The following CCDC148 variants were observed in gnomAD, a reference collection of about 807,000 sequenced individuals.
The protein encoded by CCDC148 is coiled-coil domain-containing protein 148.
CCDC148 carries 89 observed loss-of-function variants against 85.7 expected under a neutral mutation model. The observed-to-expected ratio is 1.04, with a 90% CI of 0.87 to 1.24. CCDC148 has a LOEUF of 1.24. CCDC148 is among the 50% of genes most tolerant of loss of function. CCDC148 has a pLI of 0.00. For missense variants in CCDC148, 692 were observed against 671.7 expected (o/e 1.03, Z -0.33); for synonymous variants, 230 against 213.9 (o/e 1.08, Z -0.66).
intron 1 of CCDC148, among the ~76,000 whole-genome samples, chr2:158,437,381 T>C (rs1389330138): frequency 1.3e-5 from 2 of 152,178 alleles, no homozygotes; most frequent in Admixed American, 6.5e-5. Context: ...AAAAACCACA[T>C]GATTATCTCA....
At chr2:158,188,013 C>A (rs16842719) in intron 11 of CCDC148, among the ~76,000 whole-genome samples, 6 of 151,978 alleles carry the variant, frequency 3.9e-5, no homozygotes, top group Admixed American at 2.6e-4. Context: ...AGTTAGGAAC[C>A]AACCTGATGA....
At chr2:158,196,660 T>C (rs1338747008) in intron 11 of CCDC148, among the ~76,000 whole-genome samples, 1 of 152,184 alleles carries the variant, frequency 6.6e-6, no homozygotes, top group Non-Finnish European at 1.5e-5. Context: ...ATCAAATAAC[T>C]TACCTGAATA....
intron 9 of CCDC148, among the ~76,000 whole-genome samples, chr2:158,259,024 C>A (rs2105149782): frequency 6.6e-6 from 1 of 151,920 alleles, no homozygotes; most frequent in East Asian, 1.9e-4. Flanking sequence ...TCCAGATGCA[C>A]CTTACAGATA....
intron 9 of CCDC148, among the ~76,000 whole-genome samples, chr2:158,253,877 T>G (rs1688905430): frequency 6.6e-6 from 1 of 151,566 alleles, no homozygotes; most frequent in Admixed American, 6.6e-5. Context: ...AAGCAGACAT[T>G]GCTCCTTCTG....
At chr2:158,217,370 G>GTA (rs1453254522) in intron 11 of CCDC148, among the ~76,000 whole-genome samples, 70 of 75,514 alleles carry the variant, frequency 9.3e-4, no homozygotes, top group African/African-American at 2.7e-3. Flanking sequence ...TTTTGTGTGT[G>GTA]TGTGTATATA....
chr2:158,353,668 G>T (rs192208709), intron 2 of CCDC148, among the ~76,000 whole-genome samples: 4 of 152,038 alleles, frequency 2.6e-5, no homozygotes, highest in Admixed American at 6.6e-5. Flanking sequence ...GACAGATCAA[G>T]GAGACAGAAA....
intron 9 of CCDC148, among the ~76,000 whole-genome samples, chr2:158,252,017 T>A (rs1316147226): frequency 4.0e-5 from 6 of 151,794 alleles, no homozygotes; most frequent in African/African-American, 1.4e-4. Context: ...CAAATACTTA[T>A]CTGATCCATG....
At chr2:158,227,879 TTC>T (rs1687635205) in intron 10 of CCDC148, among the ~76,000 whole-genome samples, 1 of 152,102 alleles carries the variant, frequency 6.6e-6, no homozygotes, top group Non-Finnish European at 1.5e-5. Context: ...GGCAATACCA[TTC>T]AGGACATAGG....
At chr2:158,268,400 C>T (rs1236978978) in intron 9 of CCDC148, among the ~76,000 whole-genome samples, 2 of 152,124 alleles carry the variant, frequency 1.3e-5, no homozygotes, top group African/African-American at 4.8e-5. Flanking sequence ...ATAAATCAAA[C>T]ATCTGTGTAC....
chr2:158,391,820 A>G (rs562275083), intron 1 of CCDC148, among the ~76,000 whole-genome samples: 2 of 152,276 alleles, frequency 1.3e-5, no homozygotes, highest in East Asian at 3.9e-4. Flanking sequence ...CATAAGCAAA[A>G]TCACTCAGTA....
intron 1 of CCDC148, among the ~76,000 whole-genome samples, chr2:158,383,695 G>C (rs1379846297): frequency 6.6e-6 from 1 of 152,150 alleles, no homozygotes; most frequent in Non-Finnish European, 1.5e-5. Flanking sequence ...GAGGAAAACT[G>C]TTGCCCTGAT....
chr2:158,320,825 A>C (rs1014759883), intron 7 of CCDC148, among the ~76,000 whole-genome samples: 1 of 152,176 alleles, frequency 6.6e-6, no homozygotes, highest in Non-Finnish European at 1.5e-5. Context: ...TGAAGTATTG[A>C]AAATGTAGCC....
chr2:158,282,468 T>C (rs183736036), intron 9 of CCDC148, among the ~76,000 whole-genome samples: 3 of 152,144 alleles, frequency 2.0e-5, no homozygotes, highest in Admixed American at 6.5e-5. Context: ...ATCACAAGCA[T>C]TCCCATACAC....
chr2:158,440,523 A>G (rs80106062), intron 1 of CCDC148, among the ~76,000 whole-genome samples: 11,371 of 152,190 alleles, frequency 0.075, 568 homozygotes, highest in Middle Eastern at 0.11. Context: ...GATACCTGAA[A>G]CCTCGAATAG....
At chr2:158,197,738 C>T (rs115909717) in intron 11 of CCDC148, among the ~76,000 whole-genome samples, 82 of 152,142 alleles carry the variant, frequency 5.4e-4, no homozygotes, top group African/African-American at 1.9e-3. Flanking sequence ...AATTACTTCC[C>T]TATTTTTTTA....
chr2:158,315,653 G>T (rs754014733), intron 7 of CCDC148, among the ~76,000 whole-genome samples: 1 of 151,600 alleles, frequency 6.6e-6, no homozygotes, highest in African/African-American at 2.4e-5. Context: ...CACCCACATC[G>T]CCTTTATTAG....
In CCDC148 at chr2:158,443,539, T is replaced by C. The variant is rs1358769355; in HGVS notation, c.25+12876A>G. On this transcript the variant is annotated intron_variant, in intron 1 of 13. Coordinates refer to ENST00000283233, the MANE Select transcript of CCDC148 (RefSeq NM_138803.4). ...AAAAAAAAAAGAAAAGGAAAAAAAGTGAAGGCAGGAGAAAAGTCTATTCAA... is the reference window on the plus strand; with the variant it reads ...AAAAAAAAAAGAAAAGGAAAAAAAGCGAAGGCAGGAGAAAAGTCTATTCAA... 9.8e-5 allele frequency among the ~76,000 whole-genome samples: 5 copies of C among 51,040 alleles called. No homozygotes were observed. The South Asian group carries it at 3.9e-3, about 40-fold the overall frequency. The allele number at this position is 51,040 out of a possible 152,430, so 33.5% of individuals were successfully genotyped here.
At chr2:158,318,175 T>C (rs536902202) in intron 7 of CCDC148, among the ~76,000 whole-genome samples, 2 of 152,314 alleles carry the variant, frequency 1.3e-5, no homozygotes, top group South Asian at 4.1e-4. Context: ...TAAATCTGTC[T>C]GATTTTCAGT....
intron 1 of CCDC148, among the ~76,000 whole-genome samples, chr2:158,389,235 T>C (rs981381051): frequency 1.3e-5 from 2 of 152,218 alleles, no homozygotes; most frequent in African/African-American, 4.8e-5. Context: ...TATAACATAA[T>C]ATATTTTTCA....
Sources: gnomAD v4.1 joint callset for allele counts (sites outside exome capture counted in the v4.1 genomes callset) on GRCh38, gnomAD v4.1.1 for gene constraint, MANE v1.5 for transcripts, NCBI Gene and HGNC (gene_info 2026-07-23, HGNC 2026-07-21) for gene names.